Variants in LRBA observed in about 807,000 individuals in gnomAD.
LRBA encodes the protein LPS responsive beige-like anchor protein, also known as lipopolysaccharide-responsive and beige-like anchor protein.
A neutral mutation model predicts 330.0 loss-of-function variants in LRBA; 176 were observed. The observed-to-expected ratio is 0.53, with a 90% CI of 0.47 to 0.60. The LOEUF is 0.60. Among genes scored for constraint, LRBA ranks in the 20% least tolerant of loss-of-function variants. The pLI is 0.00. For missense variants in LRBA, 3,259 were observed against 3,444.8 expected, an observed-to-expected ratio of 0.95 and a Z score of 1.35; for synonymous variants, 1,230 against 1,193.0, an observed-to-expected ratio of 1.03 and a Z score of -0.64.
chr4:150,911,713 C>T (rs949654857), intron 9 of LRBA, among the ~76,000 whole-genome samples: 1 of 152,070 alleles, frequency 6.6e-6, no homozygotes, highest in Non-Finnish European at 1.5e-5. Context: ...CTCATAAAAT[C>T]AGTTTGAAAA....
intron 36 of LRBA, among the ~76,000 whole-genome samples, chr4:150,704,640 T>C (rs1024715571): frequency 3.3e-5 from 5 of 152,166 alleles, no homozygotes; most frequent in African/African-American, 1.2e-4. Flanking sequence ...CATATGCTTA[T>C]AGTTCTTATA....
In LRBA at chr4:150,286,054, A is replaced by G. The variant is rs760134982; in HGVS notation, c.8018-20T>C. ...TCTCACCTTTAGGAAAAAACAGATA[A>G]AAAGAACAAATCAATTCAATTTCAT... On this transcript the variant is annotated intron_variant, in intron 53 of 56. Coordinates refer to ENST00000651943, the MANE Select transcript of LRBA (RefSeq NM_001364905.1). 6.8e-7 allele frequency: 1 copy of G among 1,476,668 alleles called. No homozygotes were observed. The highest frequency in any genetic ancestry group is 1.4e-5 in the African/African-American group (1 of 71,300). 91.5% of individuals were successfully genotyped at this position (1,476,668 alleles called of 1,614,324 possible).
intron 2 of LRBA, among the ~76,000 whole-genome samples, chr4:151,005,885 T>C (rs1744016746): frequency 1.3e-5 from 2 of 152,080 alleles, no homozygotes; most frequent in South Asian, 4.2e-4. Flanking sequence ...CTTACAGACG[T>C]GAGCCACCAT....
Position 150,840,979 on chromosome 4 carries a change from C to T in LRBA, c.4569+3121G>A, listed in dbSNP as rs188307298. 3.8e-3 allele frequency: 4,799 copies of T among 1,248,244 alleles called. 13 individuals are homozygous for T. The highest frequency in any genetic ancestry group is 4.6e-3 in the Non-Finnish European group (4,467 of 961,494). 77.3% of individuals were successfully genotyped at this position (1,248,244 alleles called of 1,614,324 possible). On this transcript the variant is annotated intron_variant, in intron 28 of 56. Coordinates refer to ENST00000651943, the MANE Select transcript of LRBA (RefSeq NM_001364905.1). ...TTGAACATATCCACTTGATGCAATT[C>T]TTTGACATATTTGTGATCCGTGATC...
chr4:150,721,978 G>C (rs920154636), intron 36 of LRBA, among the ~76,000 whole-genome samples: 2 of 152,138 alleles, frequency 1.3e-5, no homozygotes, highest in African/African-American at 4.8e-5. Context: ...TCCTTGGTCT[G>C]TGTTCCCCAA....
At chr4:150,746,349 A>T (rs1016192228) in intron 35 of LRBA, among the ~76,000 whole-genome samples, 2 of 152,112 alleles carry the variant, frequency 1.3e-5, no homozygotes, top group Non-Finnish European at 2.9e-5. Context: ...GAGATCATTC[A>T]TTCTTTCATT....
chr4:150,402,178 T>G (rs930088325), intron 47 of LRBA, among the ~76,000 whole-genome samples: 1 of 151,514 alleles, frequency 6.6e-6, no homozygotes, highest in African/African-American at 2.4e-5. Context: ...TGCAAGTTTT[T>G]ATAAGTTTGG....
chr4:150,894,566 C>T (rs1729854172), intron 16 of LRBA, among the ~76,000 whole-genome samples: 2 of 152,172 alleles, frequency 1.3e-5, no homozygotes, highest in African/African-American at 4.8e-5. Context: ...AAAAGGCAAA[C>T]AGCTAACAGA....
At chr4:150,442,465 C>A (rs1751969372) in intron 44 of LRBA, among the ~76,000 whole-genome samples, 1 of 152,120 alleles carries the variant, frequency 6.6e-6, no homozygotes, top group Admixed American at 6.6e-5. Flanking sequence ...GCTTTACAAC[C>A]CTGCTTAGGA....
intron 34 of LRBA, among the ~76,000 whole-genome samples, chr4:150,772,684 C>A (rs1281533891): frequency 6.6e-6 from 1 of 152,128 alleles, no homozygotes; most frequent in Non-Finnish European, 1.5e-5. Context: ...TATGGGTTTG[C>A]ATTGCAATTT....
At chr4:150,619,993 A>G (rs1169909849) in intron 37 of LRBA, among the ~76,000 whole-genome samples, 4 of 152,164 alleles carry the variant, frequency 2.6e-5, no homozygotes, top group African/African-American at 9.7e-5. Context: ...TCCTAAATGA[A>G]TGTAATTTAA....
chr4:150,752,346 C>G (rs1269476549), intron 35 of LRBA, among the ~76,000 whole-genome samples: 1 of 152,100 alleles, frequency 6.6e-6, no homozygotes, highest in Non-Finnish European at 1.5e-5. Context: ...ACTGTTATCT[C>G]TCTGCACCTT....
At chr4:150,534,105 A>C (rs965267045) in intron 40 of LRBA, among the ~76,000 whole-genome samples, 4 of 152,076 alleles carry the variant, frequency 2.6e-5, no homozygotes, top group Non-Finnish European at 5.9e-5. Flanking sequence ...CTGCTTTTAA[A>C]AAGTGCATTC....
intron 29 of LRBA, 111 bp downstream of exon 29, chr4:150,831,706 C>T: frequency 1.3e-6 from 1 of 770,290 alleles, no homozygotes; most frequent in South Asian, 2.8e-5. Flanking sequence ...GTATGCTCTC[C>T]CTTAATTTGC....
chr4:150,424,570 C>T (rs970851333), intron 46 of LRBA, among the ~76,000 whole-genome samples: 1 of 152,232 alleles, frequency 6.6e-6, no homozygotes, highest in Non-Finnish European at 1.5e-5. Context: ...ACCATGGTGC[C>T]TTGGACAGGA....
At chr4:150,450,045 A>T (rs187055335) in intron 44 of LRBA, among the ~76,000 whole-genome samples, 1 of 151,856 alleles carries the variant, frequency 6.6e-6, no homozygotes, top group African/African-American at 2.4e-5. Context: ...GTTGTCCATA[A>T]AAAAAAAGTT....
At chr4:150,455,940 G>A (rs952069437) in intron 44 of LRBA, among the ~76,000 whole-genome samples, 1 of 151,916 alleles carries the variant, frequency 6.6e-6, no homozygotes, top group South Asian at 2.1e-4. Flanking sequence ...GTCTGTGCCT[G>A]GTTTATTTCA....
At chr4:150,542,677 G>A (rs945213907) in intron 40 of LRBA, among the ~76,000 whole-genome samples, 2 of 152,114 alleles carry the variant, frequency 1.3e-5, no homozygotes, top group Non-Finnish European at 2.9e-5. Flanking sequence ...ACAAAGCAAT[G>A]AAAATATTTA....
chr4:150,906,400 G>A lies in LRBA; in HGVS notation c.1499C>T (p.Thr500Ile). Residue 500 changes from threonine (T) to isoleucine (I), a missense_variant, in exon 12 of 57, where the codon ACC becomes ATC. Thr to Ile is a moderately conservative substitution (Grantham distance 89). Transcript: ENST00000651943. ...SDEIDLTICS[T>I]LLAFIMELLK... ...CAATTCCATGATAAAGGCCAGCAAG[G>A]TTGAACTAGAATTTTTTAAAAAGGC... The A allele has an allele frequency of 6.3e-7, 1 of 1,580,708 alleles. No homozygotes were observed. The highest frequency in any genetic ancestry group is 2.2e-5 in the East Asian group (1 of 44,628).
Sources: gnomAD v4.1 joint callset for allele counts (sites outside exome capture counted in the v4.1 genomes callset) on GRCh38, gnomAD v4.1.1 for gene constraint, MANE v1.5 for transcripts, NCBI Gene and HGNC (gene_info 2026-07-23, HGNC 2026-07-21) for gene names.